ZNF618: variants seen among roughly 807,000 people sequenced by gnomAD.
ZNF618 encodes neural precursor cell expressed, developmentally down-regulated 10.
Under a neutral mutation model 103.0 loss-of-function variants are expected in ZNF618, and 34 were observed. The ratio of observed to expected loss-of-function variants is 0.33; its 90% CI spans 0.25 to 0.44. The LOEUF is 0.44. ZNF618 is among the 20% of genes least tolerant of loss of function. The pLI, the probability that ZNF618 is intolerant of heterozygous loss-of-function variation, is 1.00. For synonymous variants in ZNF618, 551 were observed against 542.2 expected, an observed-to-expected ratio of 1.02 and a Z score of -0.23; for missense variants, 1,059 against 1,295.4, an observed-to-expected ratio of 0.82 and a Z score of 2.80.
intron 5 of ZNF618, among the ~76,000 whole-genome samples, chr9:114,002,284 G>C (rs529810804): frequency 7.9e-5 from 12 of 152,174 alleles, no homozygotes; most frequent in Non-Finnish European, 1.3e-4. Flanking sequence ...GGGGGACTCT[G>C]CAGGACACAC....
chr9:113,876,499 T>A (rs1827945707), intron 1 of ZNF618, 86 bp downstream of exon 1: 1 of 1,067,656 alleles, frequency 9.4e-7, no homozygotes, highest in African/African-American at 1.7e-5. Flanking sequence ...ATTGCAAGAT[T>A]TGCAAAATGC....
chr9:113,905,758 G>T (rs558285510), intron 1 of ZNF618, among the ~76,000 whole-genome samples: 1 of 152,252 alleles, frequency 6.6e-6, no homozygotes, highest in Admixed American at 6.5e-5. Flanking sequence ...CTCATTCTCC[G>T]CATGATTCTC....
intron 13 of ZNF618, among the ~76,000 whole-genome samples, chr9:114,047,171 A>G (rs1845722351): frequency 6.6e-6 from 1 of 152,218 alleles, no homozygotes; most frequent in South Asian, 2.1e-4. Context: ...GCATATACCA[A>G]TTACTTATAA....
At chr9:113,876,575 A>AC (rs535225206) in intron 1 of ZNF618, among the ~76,000 whole-genome samples, 162 bp downstream of exon 1, 5 of 139,512 alleles carry the variant, frequency 3.6e-5, no homozygotes, top group Middle Eastern at 3.7e-3. Flanking sequence ...TCCGGAGAGC[A>AC]CCCCCCCGGG....
intron 2 of ZNF618, among the ~76,000 whole-genome samples, chr9:113,971,487 G>A (rs551773828): frequency 6.6e-6 from 1 of 152,112 alleles, no homozygotes; most frequent in Non-Finnish European, 1.5e-5. Context: ...GGCTGGTTAG[G>A]TGCTAATTTA....
chr9:114,011,199 A>T (rs1249274930), intron 9 of ZNF618, among the ~76,000 whole-genome samples: 1 of 152,240 alleles, frequency 6.6e-6, no homozygotes, highest in East Asian at 1.9e-4. Flanking sequence ...AAATGGGCTG[A>T]TGACAATAAA....
intron 1 of ZNF618, among the ~76,000 whole-genome samples, chr9:113,940,486 T>G (rs34075683): frequency 0.18 from 27,362 of 151,966 alleles, 3,056 homozygotes; most frequent in Admixed American, 0.24. Context: ...GTTTCTCCTT[T>G]TATTTTCAAG....
rs192794380 is a variant in ZNF618 at position 113,970,191 on chromosome 9, G to C, written c.77+1031G>C. On this transcript the variant is annotated intron_variant, in intron 2 of 14. Coordinates refer to ENST00000374126, the MANE Select transcript of ZNF618 (RefSeq NM_001318042.2). Reference sequence around the variant, plus strand: ...AGAGAGAGCCAGAGAGAGAGAGAGAGAATCATGTTTCTCAAACTTCTTAAC... The same window carrying C: ...AGAGAGAGCCAGAGAGAGAGAGAGACAATCATGTTTCTCAAACTTCTTAAC... Among the ~76,000 whole-genome samples, 391 of 152,140 alleles carry C rather than the reference G, an allele frequency of 2.6e-3. 4 individuals carry two copies. The highest frequency in any genetic ancestry group is 1.2e-3 in the Non-Finnish European group (83 of 68,004).
chr9:114,010,774 C>A (rs1275251686), intron 9 of ZNF618, among the ~76,000 whole-genome samples: 1 of 152,286 alleles, frequency 6.6e-6, no homozygotes, highest in African/African-American at 2.4e-5. Context: ...AGGACAGGAA[C>A]AGAGGATCTG....
At chr9:114,033,917 C>T (rs769665135) in intron 12 of ZNF618, among the ~76,000 whole-genome samples, 6 of 152,156 alleles carry the variant, frequency 3.9e-5, no homozygotes, top group Non-Finnish European at 7.4e-5. Context: ...CAGCCAGGAG[C>T]GCAGACTTGA....
chr9:113,944,888 AGCCACAGG>A (rs533957353), intron 1 of ZNF618, among the ~76,000 whole-genome samples: 34 of 152,328 alleles, frequency 2.2e-4, no homozygotes, highest in African/African-American at 8.2e-4. Flanking sequence ...AAAGCTCAGT[AGCCACAGG>A]GGGCTAGTGG....
intron 2 of ZNF618, among the ~76,000 whole-genome samples, chr9:113,981,746 A>T (rs1055228539): frequency 1.3e-5 from 2 of 152,248 alleles, no homozygotes; most frequent in Non-Finnish European, 2.9e-5. Flanking sequence ...CAGTACCAGA[A>T]CAGGAGCCAA....
At chr9:113,954,189 T>G (rs1836033767) in intron 1 of ZNF618, among the ~76,000 whole-genome samples, 1 of 152,262 alleles carries the variant, frequency 6.6e-6, no homozygotes, top group Admixed American at 6.5e-5. Flanking sequence ...TGGAAAGTTC[T>G]AGGGCTCTAG....
At chr9:113,957,928 G>A (rs1007747433) in intron 1 of ZNF618, among the ~76,000 whole-genome samples, 1 of 151,702 alleles carries the variant, frequency 6.6e-6, no homozygotes, top group Non-Finnish European at 1.5e-5. Flanking sequence ...GTTTATGGCT[G>A]ATCTGGTTTT....
intron 1 of ZNF618, among the ~76,000 whole-genome samples, chr9:113,923,078 G>A (rs765339166): frequency 6.6e-6 from 1 of 152,010 alleles, no homozygotes; most frequent in Non-Finnish European, 1.5e-5. Flanking sequence ...ATGGCATTGT[G>A]TTTTTAATTT....
chr9:113,951,515 G>GTGTGCACATATATGTA (rs1564207712), intron 1 of ZNF618, among the ~76,000 whole-genome samples: 3 of 36,752 alleles, frequency 8.2e-5, no homozygotes, highest in Non-Finnish European at 1.9e-4. Context: ...ATATATGTGT[G>GTGTGCACATATATGTA]TATATGTACA....
rs1845955785 is a variant in ZNF618, at chr9:114,049,490, C to T, written c.2188C>T (p.His730Tyr). 3.1e-6 allele frequency: 5 copies of T among 1,613,046 alleles called. No individual in the cohort carries two copies. Among genetic ancestry groups the T allele is most frequent in the Non-Finnish European group, 4.2e-6 (5 of 1,179,546 alleles). Reference protein sequence around the residue: ...KMNLIQSLNKHLLSNLAAILT... With the variant: ...KMNLIQSLNKYLLSNLAAILT... ...GAACCTCATCCAGAGCCTCAACAAGCACCTGCTCAGCAACCTGGCGGCCAT... is the reference window on the plus strand; with the variant it reads ...GAACCTCATCCAGAGCCTCAACAAGTACCTGCTCAGCAACCTGGCGGCCAT... The change falls in exon 15 of 15, where the codon CAC becomes TAC. Residue 730 changes from histidine (H) to tyrosine (Y), a missense_variant. Physicochemically the swap from His to Tyr is moderately conservative, Grantham distance 83. This residue lies in a region of ZNF618 where 272 missense variants were observed against 380.1 expected (regional missense o/e 0.72). Coordinates refer to ENST00000374126, the MANE Select transcript of ZNF618 (RefSeq NM_001318042.2).
chr9:114,049,699 C>T lies in ZNF618; in HGVS notation c.2397C>T (p.His799=), dbSNP rs780496896. ...CGCTCAAGGAGAACTTCAAGGTGCA[C>T]CCGGCCCACAAGGTGGCCATGATCC... The part of the protein sequence containing the change: ...LEALKENFKV[H]PAHKVAMILD... Residue 799 remains histidine, a synonymous_variant, in exon 15 of 15, where the codon CAC becomes CAT. Coordinates refer to ENST00000374126, the MANE Select transcript of ZNF618 (RefSeq NM_001318042.2). 25 of 1,613,742 alleles carry T rather than the reference C, an allele frequency of 1.5e-5. 1 individual carries two copies. The Admixed American group carries it at 3.5e-4, about 23-fold the overall frequency.
chr9:114,031,112 G>A (rs1388760841), intron 11 of ZNF618, among the ~76,000 whole-genome samples: 1 of 152,178 alleles, frequency 6.6e-6, no homozygotes, highest in Admixed American at 6.5e-5. Flanking sequence ...TTTTTCACCT[G>A]TGAAATGGGA....
Sources: gnomAD v4.1 joint callset for allele counts (sites outside exome capture counted in the v4.1 genomes callset) on GRCh38, gnomAD v4.1.1 for gene constraint, gnomAD v4.1.1 regional missense constraint, MANE v1.5 for transcripts, NCBI Gene and HGNC (gene_info 2026-07-23, HGNC 2026-07-21) for gene names.